ADGRD2: variants seen among roughly 807,000 people sequenced by gnomAD.
The protein encoded by ADGRD2 is G protein-coupled receptor PGR24.
In ADGRD2, 71 loss-of-function variants were observed where a neutral mutation model predicts 44.4. The ratio of observed to expected loss-of-function variants is 1.60; its 90% CI spans 1.32 to 1.95. The LOEUF is 1.95. ADGRD2 is among the 30% of genes most tolerant of loss of function. ADGRD2 has a pLI of 0.00. For missense variants in ADGRD2, 1,039 were observed against 512.4 expected (o/e 2.03, Z -9.92); for synonymous variants, 481 against 224.8 (o/e 2.14, Z -10.19).
At chr9:124,455,589 C>CAAA (rs34178298) in intron 6 of ADGRD2, among the ~76,000 whole-genome samples, 5 of 142,676 alleles carry the variant, frequency 3.5e-5, no homozygotes, top group African/African-American at 1.0e-4. Context: ...GACTCTGTCT[C>CAAA]AAAAAAAAAA....
rs183450643 is a variant in ADGRD2 at position 124,461,474 on chromosome 9, G to T, written c.1870+2753G>T. 2.2e-3 allele frequency among the ~76,000 whole-genome samples: 332 copies of T among 152,280 alleles called. 2 individuals are homozygous for T. The highest frequency in any genetic ancestry group is 3.5e-3 in the Non-Finnish European group (236 of 68,016). On this transcript the variant is annotated intron_variant, in intron 10 of 21. Transcript: ENST00000334810. The stretch of plus-strand genomic sequence containing the variant: ...GTTCTATATATTATGAAGGTAAAAA[G>T]GTTGAAGTTCATTTTTTTCCATATA...
At chr9:124,475,057 C>T (rs905711835) in intron 17 of ADGRD2, among the ~76,000 whole-genome samples, 1 of 152,248 alleles carries the variant, frequency 6.6e-6, no homozygotes, top group Non-Finnish European at 1.5e-5. Context: ...ACTCACAGGG[C>T]TGTTGTCCCA....
At chr9:124,466,233 A>C (rs1161270561) in intron 10 of ADGRD2, 25 bp from the exon 14 acceptor site, 1 of 574,178 alleles carries the variant, frequency 1.7e-6, no homozygotes, top group African/African-American at 1.9e-5. Context: ...CTGGCCCCTC[A>C]CCCCCTTGTC....
chr9:124,453,534 G>T (rs1185156686), exon 3 of ADGRD2: 1 of 697,834 alleles, frequency 1.4e-6, no homozygotes, highest in Admixed American at 2.1e-5. Context: ...ACCTGTGGGC[G>T]CGGGCGCTGA....
At chr9:124,475,031 G>A (rs1314623358) in intron 17 of ADGRD2, among the ~76,000 whole-genome samples, 1 of 152,216 alleles carries the variant, frequency 6.6e-6, no homozygotes, top group Non-Finnish European at 1.5e-5. Flanking sequence ...CTCAGCTAGA[G>A]GCACAGTGAG....
chr9:124,452,126 A>T (rs1367218978), exon 1 of ADGRD2: 1 of 715,422 alleles, frequency 1.4e-6, no homozygotes, highest in African/African-American at 1.8e-5. Context: ...CCAACTCCCC[A>T]GGTGAATCAA....
exon 14 of ADGRD2, chr9:124,468,557 C>T (rs772740131): frequency 7.0e-6 from 5 of 718,650 alleles, no homozygotes; most frequent in Non-Finnish European, 7.8e-6. Flanking sequence ...TGCACTTCCT[C>T]TTTCTGGTGG....
intron 19 of ADGRD2, among the ~76,000 whole-genome samples, chr9:124,476,058 T>C (rs897617144): frequency 6.6e-6 from 1 of 152,156 alleles, no homozygotes; most frequent in African/African-American, 2.4e-5. Flanking sequence ...TGGGGTTCCA[T>C]GCAGAAGGGT....
intron 6 of ADGRD2, 119 bp from the exon 10 acceptor site, chr9:124,456,503 G>A (rs1041447763): frequency 1.8e-4 from 119 of 647,302 alleles, no homozygotes; most frequent in Admixed American, 1.8e-3. Flanking sequence ...AAAGAGCCAC[G>A]GAGGGTCTGG....
At chr9:124,466,315 A>G (rs763257866) in exon 11 of ADGRD2, 2 of 716,336 alleles carry the variant, frequency 2.8e-6, no homozygotes, top group East Asian at 2.7e-5. Flanking sequence ...CTGGGCCACC[A>G]CAGGCTGCTC....
In ADGRD2 at chr9:124,453,153, C is replaced by A. The variant is rs1831529255; in HGVS notation, c.402C>A (p.Asp134Glu). ...CCGCGTGTACTCACGTGCAGTGGGA[C>A]TGTGCCTCGCCCGACCCCGCAGCGC... is the stretch of plus-strand genomic sequence containing the variant. The change falls in exon 3 of 22, where the codon GAC becomes GAA. Residue 134 changes from aspartate (D) to glutamate (E), a missense_variant. By Grantham distance (45) the Asp-to-Glu change is conservative. Coordinates refer to ENST00000334810, the Ensembl canonical transcript of ADGRD2. The A allele has an allele frequency of 1.0e-5, 7 of 700,876 alleles. No homozygotes were observed. The Admixed American group carries it at 1.0e-4, about 10-fold the overall frequency. The allele number at this position is 700,876 out of a possible 1,614,324, so 43.4% of individuals were successfully genotyped here. A position where few individuals can be genotyped will look rare whatever the true frequency, so the allele number is the denominator to read the frequency against.
chr9:124,475,198 G>A (rs1832020992), intron 17 of ADGRD2, among the ~76,000 whole-genome samples: 2 of 152,242 alleles, frequency 1.3e-5, no homozygotes, highest in Non-Finnish European at 2.9e-5. Context: ...GCTGCCTGGT[G>A]AGCAGAAGCT....
At chr9:124,460,085 GACACAC>G (rs3983851) in intron 10 of ADGRD2, among the ~76,000 whole-genome samples, 11,128 of 149,950 alleles carry the variant, frequency 0.074, 1,299 homozygotes, top group African/African-American at 0.25. Context: ...AGTAATCTTG[GACACAC>G]ACACACACAC....
chr9:124,469,033 C>T (rs990509214), intron 14 of ADGRD2, among the ~76,000 whole-genome samples, 189 bp from the exon 18 acceptor site: 5 of 152,218 alleles, frequency 3.3e-5, no homozygotes, highest in African/African-American at 1.2e-4. Flanking sequence ...GCTCTCCCGA[C>T]TCCCAAACTA....
intron 21 of ADGRD2, among the ~76,000 whole-genome samples, chr9:124,477,467 T>C (rs1291661763): frequency 2.0e-5 from 3 of 152,216 alleles, no homozygotes; most frequent in African/African-American, 4.8e-5. Context: ...CCAGTGATTC[T>C]GATTCAGAGA....
exon 13 of ADGRD2, chr9:124,468,135 C>T (rs1034573356): frequency 1.4e-6 from 1 of 718,630 alleles, no homozygotes; most frequent in Non-Finnish European, 2.6e-6. Context: ...CTCACCTTCT[C>T]CCTGGCCTCT....
At chr9:124,452,017 C>CCCCCAGA, upstream of ADGRD2, 1 of 563,666 alleles carries the variant, frequency 1.8e-6, no homozygotes, top group Non-Finnish European at 3.4e-6. Context: ...CACCCACCCC[C>CCCCCAGA]AGAGTAGGCA....
chr9:124,458,777 T>C (rs1831669406), intron 10 of ADGRD2, 56 bp downstream of exon 13: 1 of 704,226 alleles, frequency 1.4e-6, no homozygotes, highest in East Asian at 2.7e-5. Context: ...CCTGGTTCAG[T>C]TCCCCCAACC....
rs1831818589 is a variant in ADGRD2 at position 124,466,150 on chromosome 9, G to A, written c.1871-108G>A. 3 of 472,818 alleles carry A rather than the reference G, an allele frequency of 6.3e-6. 1 individual carries two copies. Among genetic ancestry groups the A allele is most frequent in the Admixed American group, 7.5e-5 (2 of 26,494 alleles). 29.3% of individuals were successfully genotyped at this position (472,818 alleles called of 1,614,324 possible). A position where few individuals can be genotyped will look rare whatever the true frequency, so the allele number is the denominator to read the frequency against. On this transcript the variant is annotated intron_variant, in intron 10 of 21. Coordinates refer to ENST00000334810, the Ensembl canonical transcript of ADGRD2. The stretch of plus-strand genomic sequence containing the variant: ...CCAGGAAGGGGCGGTGACTCGCCAA[G>A]GTCACCTAGCTGGTTAGAGGCAGGG...
Sources: gnomAD v4.1 joint callset for allele counts (sites outside exome capture counted in the v4.1 genomes callset) on GRCh38, gnomAD v4.1.1 for gene constraint, MANE v1.5 for transcripts, NCBI Gene and HGNC (gene_info 2026-07-23, HGNC 2026-07-21) for gene names.